The following LRBA variants were observed in gnomAD, a reference collection of about 807,000 sequenced individuals.
LRBA encodes LPS responsive beige-like anchor protein.
A neutral mutation model predicts 330.0 loss-of-function variants in LRBA; 176 were observed. The ratio of observed to expected loss-of-function variants is 0.53; its 90% CI spans 0.47 to 0.60. The LOEUF (loss-of-function observed/expected upper bound fraction) is 0.60, where lower values mean the gene tolerates loss of function less well. Ranked by LOEUF, LRBA falls within the 20% of genes least tolerant of loss-of-function variation. The pLI, the probability that LRBA is intolerant of heterozygous loss-of-function variation, is 0.00. For synonymous variants in LRBA, 1,230 were observed against 1,193.0 expected (o/e 1.03, Z -0.64); for missense variants, 3,259 against 3,444.8 (o/e 0.95, Z 1.35).
chr4:150,467,238 T>C (rs920031711), intron 44 of LRBA, among the ~76,000 whole-genome samples: 1 of 152,130 alleles, frequency 6.6e-6, no homozygotes, highest in African/African-American at 2.4e-5. Context: ...CATTGGAGAA[T>C]GCTAGGAATC....
chr4:150,640,188 C>A (rs1310943432), intron 37 of LRBA, among the ~76,000 whole-genome samples: 2 of 151,950 alleles, frequency 1.3e-5, no homozygotes, highest in African/African-American at 4.8e-5. Context: ...AAAATGCAAT[C>A]ATTGTGTAAA....
intron 37 of LRBA, among the ~76,000 whole-genome samples, chr4:150,613,870 TA>T (rs975201155): frequency 3.9e-5 from 6 of 152,304 alleles, no homozygotes; most frequent in African/African-American, 1.4e-4. Flanking sequence ...CATCTCTTCC[TA>T]GAACTCCTTA....
chr4:150,717,489 T>C (rs1728355721), intron 36 of LRBA, among the ~76,000 whole-genome samples: 2 of 151,416 alleles, frequency 1.3e-5, no homozygotes, highest in African/African-American at 4.8e-5. Flanking sequence ...AAAACCGATC[T>C]CTACAAAAAA....
chr4:150,395,453 A>G (rs1235275247), intron 47 of LRBA, among the ~76,000 whole-genome samples: 2 of 152,094 alleles, frequency 1.3e-5, no homozygotes, highest in African/African-American at 4.8e-5. Flanking sequence ...TGTTTTAACT[A>G]AGGTCATCAT....
intron 37 of LRBA, among the ~76,000 whole-genome samples, chr4:150,661,396 G>C (rs1010983882): frequency 6.6e-6 from 1 of 150,854 alleles, no homozygotes; most frequent in African/African-American, 2.4e-5. Context: ...GGGAAAGCCA[G>C]GAGGCGGAGG....
chr4:150,783,197 A>G (rs1738521498), intron 34 of LRBA, among the ~76,000 whole-genome samples: 1 of 152,150 alleles, frequency 6.6e-6, no homozygotes, highest in Non-Finnish European at 1.5e-5. Flanking sequence ...AGCTTCTTAA[A>G]AGTTCTCCCT....
At chr4:150,288,711 A>C (rs943010012) in intron 53 of LRBA, among the ~76,000 whole-genome samples, 9 of 146,162 alleles carry the variant, frequency 6.2e-5, no homozygotes, top group African/African-American at 2.2e-4. Flanking sequence ...TTACTGTCTA[A>C]TTAGATCCAT....
At chr4:150,738,731 AG>A (rs1451966565) in intron 35 of LRBA, among the ~76,000 whole-genome samples, 1 of 152,190 alleles carries the variant, frequency 6.6e-6, no homozygotes, top group African/African-American at 2.4e-5. Context: ...AGTTTATGTA[AG>A]ATGTTAATTA....
intron 37 of LRBA, among the ~76,000 whole-genome samples, chr4:150,608,809 C>T (rs1407764356): frequency 1.3e-5 from 2 of 152,192 alleles, no homozygotes; most frequent in Admixed American, 6.5e-5. Flanking sequence ...TCTTTCTCAA[C>T]ATATTTACCT....
intron 44 of LRBA, among the ~76,000 whole-genome samples, chr4:150,441,122 A>G (rs575534207): frequency 6.6e-6 from 1 of 152,148 alleles, no homozygotes; most frequent in East Asian, 1.9e-4. Context: ...AATAATGATA[A>G]TAATTATTAT....
chr4:150,634,804 C>A (rs1013315886), intron 37 of LRBA, among the ~76,000 whole-genome samples: 1 of 152,138 alleles, frequency 6.6e-6, no homozygotes, highest in Non-Finnish European at 1.5e-5. Flanking sequence ...CTGATAAATA[C>A]AGTTTCTCAG....
chr4:150,344,924 C>T (rs769449406), intron 48 of LRBA, among the ~76,000 whole-genome samples: 4 of 152,158 alleles, frequency 2.6e-5, no homozygotes, highest in Non-Finnish European at 4.4e-5. Context: ...CATCTGCTAA[C>T]CTTTACTTCA....
chr4:150,850,645 T>G, intron 24 of LRBA, 79 bp downstream of exon 24: 1 of 849,010 alleles, frequency 1.2e-6, no homozygotes, highest in Non-Finnish European at 1.7e-6. Flanking sequence ...TGAAATTAAT[T>G]ACAAACTGTT....
At chr4:150,853,297 G>A (rs1291433734) in intron 22 of LRBA, among the ~76,000 whole-genome samples, 1 of 152,144 alleles carries the variant, frequency 6.6e-6, no homozygotes, top group Admixed American at 6.5e-5. Context: ...TTTATGCACT[G>A]GATAACACTT....
chr4:150,891,815 G>C (rs1729499611), intron 17 of LRBA, among the ~76,000 whole-genome samples: 1 of 152,142 alleles, frequency 6.6e-6, no homozygotes, highest in East Asian at 1.9e-4. Flanking sequence ...TTATCTTATA[G>C]AGAATGAACA....
At chr4:151,009,547 CAAAA>C (rs1352710334) in intron 2 of LRBA, among the ~76,000 whole-genome samples, 1 of 83,464 alleles carries the variant, frequency 1.2e-5, no homozygotes, top group South Asian at 4.0e-4. Flanking sequence ...GACTCTGTCT[CAAAA>C]AAAAAAAAAA....
At position 150,543,008 on chromosome 4, in the gene LRBA, A is replaced by G. The variant is rs78371498; in HGVS notation, c.6330+45040T>C. On this transcript the variant is annotated intron_variant, in intron 40 of 56. Coordinates refer to ENST00000651943, the MANE Select transcript of LRBA (RefSeq NM_001364905.1). Reference sequence around the variant, plus strand: ...AATTGCCATCTTTATTACCAAAAACATAAGTGTCCCAAAATTCACCAGTCC... The same window carrying G: ...AATTGCCATCTTTATTACCAAAAACGTAAGTGTCCCAAAATTCACCAGTCC... 3.7e-3 allele frequency among the ~76,000 whole-genome samples: 561 copies of G among 152,318 alleles called. 25 individuals carry two copies. In the East Asian group the frequency reaches 0.093, roughly 25 times the overall value.
At chr4:150,695,552 A>G (rs1352634931) in intron 36 of LRBA, among the ~76,000 whole-genome samples, 1 of 152,106 alleles carries the variant, frequency 6.6e-6, no homozygotes, top group Non-Finnish European at 1.5e-5. Flanking sequence ...TCCTGGCCTC[A>G]AGTGATCCTC....
chr4:150,681,950 T>G (rs1170576636), intron 37 of LRBA, among the ~76,000 whole-genome samples: 1 of 152,160 alleles, frequency 6.6e-6, no homozygotes, highest in East Asian at 1.9e-4. Context: ...AGGAAAACTA[T>G]GTTTTCCTTT....
Sources: gnomAD v4.1 joint callset for allele counts (sites outside exome capture counted in the v4.1 genomes callset) on GRCh38, gnomAD v4.1.1 for gene constraint, MANE v1.5 for transcripts, NCBI Gene and HGNC (gene_info 2026-07-23, HGNC 2026-07-21) for gene names.